The following DNAJC16 variants were observed in gnomAD, a reference collection of about 807,000 sequenced individuals.
DNAJC16 encodes the protein DnaJ heat shock protein family (Hsp40) member C16.
A neutral mutation model predicts 92.7 loss-of-function variants in DNAJC16; 76 were observed. The ratio of observed to expected loss-of-function variants is 0.82; its 90% CI spans 0.68 to 0.99. The LOEUF (loss-of-function observed/expected upper bound fraction) is 0.99. Among genes scored for constraint, DNAJC16 ranks in the 50% least tolerant of loss-of-function variants. The pLI is 0.00. For synonymous variants in DNAJC16, 328 were observed against 358.7 expected (o/e 0.91, Z 0.97); for missense variants, 869 against 942.4 (o/e 0.92, Z 1.02).
chr1:15,567,586 A>G (rs1270998947), intron 14 of DNAJC16, among the ~76,000 whole-genome samples, 192 bp from the exon 15 acceptor site: 1 of 152,136 alleles, frequency 6.6e-6, no homozygotes, highest in Non-Finnish European at 1.5e-5. Flanking sequence ...CGATGGGGGA[A>G]TGGGTGATTG....
rs368732391 is a variant in DNAJC16, at chr1:15,534,309, G to A, written c.234+6G>A. 7.4e-5 allele frequency: 120 copies of A among 1,613,600 alleles called. No individual in the cohort carries two copies. Among genetic ancestry groups the A allele is most frequent in the Non-Finnish European group, 8.6e-5 (101 of 1,179,830 alleles). Reference sequence around the variant, plus strand: ...AAATCAGTAAGGCTTACGAGGTATCGTGTCCAGCTTTGTGATGCATCCATT... The same window carrying A: ...AAATCAGTAAGGCTTACGAGGTATCATGTCCAGCTTTGTGATGCATCCATT... On this transcript the variant is annotated splice_donor_region_variant and intron_variant, in intron 3 of 14. Transcript: ENST00000375847.
chr1:15,554,342 CTT>C (rs1377789119), intron 7 of DNAJC16, among the ~76,000 whole-genome samples: 4 of 152,076 alleles, frequency 2.6e-5, no homozygotes, highest in Non-Finnish European at 4.4e-5. Flanking sequence ...TATTTGATGT[CTT>C]TTTGATGAAC....
At position 15,544,516 on chromosome 1, in the gene DNAJC16, A is replaced by G. The variant is rs368460379; in HGVS notation, c.692A>G (p.Asn231Ser). The change falls in exon 5 of 15, where the codon AAT (asparagine) becomes AGT (serine). Residue 231 changes from asparagine (N) to serine (S), a missense_variant. Asn to Ser is a conservative substitution (Grantham distance 46). Coordinates refer to ENST00000375847, the MANE Select transcript of DNAJC16 (RefSeq NM_015291.4). ...IINGKISFFH[N>S]AVVRENLRQF... ...AACGGGAAAATCTCCTTCTTCCACA[A>G]TGCAGTTGTCCGTGAAAATCTGCGA... 20 of 1,614,072 alleles carry G rather than the reference A, an allele frequency of 1.2e-5. No homozygotes were observed. The highest frequency in any genetic ancestry group is 2.2e-5 in the South Asian group (2 of 91,094).
rs1194367846 is a variant in DNAJC16, at chr1:15,529,283, C to G, written c.167+11C>G. Reference sequence around the variant, plus strand: ...GCTCGCCCGGGAATGGTAGGTGAAACAAAGAAATAGAGGTTTAACATAAGC... The same window carrying G: ...GCTCGCCCGGGAATGGTAGGTGAAAGAAAGAAATAGAGGTTTAACATAAGC... On this transcript the variant is annotated intron_variant, in intron 2 of 14. Coordinates refer to ENST00000375847, the MANE Select transcript of DNAJC16 (RefSeq NM_015291.4). 2 of 1,603,808 alleles carry G rather than the reference C, an allele frequency of 1.2e-6. No homozygotes were observed. Among genetic ancestry groups the G allele is most frequent in the South Asian group, 1.1e-5 (1 of 90,444 alleles).
At chr1:15,539,437 G>A (rs1036159202) in intron 4 of DNAJC16, among the ~76,000 whole-genome samples, 15 of 151,540 alleles carry the variant, frequency 9.9e-5, no homozygotes, top group African/African-American at 2.9e-4. Flanking sequence ...TAGTAGAGAC[G>A]GGGTTTCACC....
intron 6 of DNAJC16, 55 bp downstream of exon 6, chr1:15,546,926 T>C (rs1638323470): frequency 7.2e-7 from 1 of 1,391,258 alleles, no homozygotes; most frequent in Admixed American, 2.3e-5. Flanking sequence ...TTTTTTTTTT[T>C]TTTTTTTTAG....
intron 7 of DNAJC16, among the ~76,000 whole-genome samples, chr1:15,552,284 G>A (rs1042910613): frequency 2.6e-5 from 4 of 151,214 alleles, no homozygotes; most frequent in Non-Finnish European, 3.0e-5. Flanking sequence ...TCAGGAGTTC[G>A]AGACCAGCCT....
At chr1:15,562,643 G>A (rs1463222805) in intron 9 of DNAJC16, among the ~76,000 whole-genome samples, 8 of 151,472 alleles carry the variant, frequency 5.3e-5, no homozygotes, top group Admixed American at 3.3e-4. Context: ...ACACAACCAC[G>A]CCTGGCTAAT....
intron 9 of DNAJC16, among the ~76,000 whole-genome samples, chr1:15,562,772 G>C (rs1044468006): frequency 3.3e-5 from 5 of 151,770 alleles, no homozygotes; most frequent in South Asian, 4.2e-4. Context: ...ATGAGCCACT[G>C]CTCCTGGCCT....
intron 9 of DNAJC16, among the ~76,000 whole-genome samples, chr1:15,562,955 T>C (rs990715430): frequency 4.7e-5 from 7 of 149,744 alleles, no homozygotes; most frequent in Non-Finnish European, 8.9e-5. Flanking sequence ...TCCTAGATTT[T>C]ACAAATCCTT....
chr1:15,555,230 G>GA (rs987393558), intron 7 of DNAJC16, among the ~76,000 whole-genome samples: 29 of 143,382 alleles, frequency 2.0e-4, no homozygotes, highest in African/African-American at 4.9e-4. Flanking sequence ...CAAAAAAAAA[G>GA]AAAAAAAAAA....
intron 1 of DNAJC16, among the ~76,000 whole-genome samples, chr1:15,527,312 C>T (rs1196387276): frequency 2.6e-5 from 4 of 152,082 alleles, no homozygotes; most frequent in Non-Finnish European, 4.4e-5. Context: ...AAAGAACTTC[C>T]CAGACCACCG....
intron 7 of DNAJC16, among the ~76,000 whole-genome samples, chr1:15,551,602 T>TG (rs1638443154): frequency 4.9e-5 from 1 of 20,506 alleles, no homozygotes; most frequent in Admixed American, 3.2e-4. Flanking sequence ...AGTGATGTGG[T>TG]TTTTTTTTTT....
chr1:15,540,621 C>T (rs1710911299), intron 4 of DNAJC16, among the ~76,000 whole-genome samples: 1 of 152,034 alleles, frequency 6.6e-6, no homozygotes, highest in South Asian at 2.1e-4. Context: ...GTCTTAAACT[C>T]CAGGAGATAC....
chr1:15,546,917 T>TTTC (rs371408325), intron 6 of DNAJC16, 46 bp downstream of exon 6: 4 of 307,318 alleles, frequency 1.3e-5, no homozygotes, highest in East Asian at 2.8e-4. Flanking sequence ...TTTCTTTTCT[T>TTTC]TTTTTTTTTT....
chr1:15,554,002 G>A (rs1348894935), intron 7 of DNAJC16, among the ~76,000 whole-genome samples: 2 of 152,044 alleles, frequency 1.3e-5, no homozygotes, highest in African/African-American at 4.8e-5. Context: ...CCAGGAGGTC[G>A]AGACCAGCCT....
intron 8 of DNAJC16, chr1:15,560,135 G>A (rs1223084541): frequency 6.6e-6 from 1 of 151,758 alleles, no homozygotes; most frequent in African/African-American, 2.4e-5. Context: ...TATTAGTCCA[G>A]GGCACTTTAG....
chr1:15,555,154 T>C (rs552489044), intron 7 of DNAJC16, among the ~76,000 whole-genome samples: 4 of 151,276 alleles, frequency 2.6e-5, no homozygotes, highest in African/African-American at 7.3e-5. Context: ...GGCAGGTGGA[T>C]TGCCTGAGAC....
At chr1:15,563,885 A>C in intron 9 of DNAJC16, 44 bp from the exon 10 acceptor site, 1 of 1,537,634 alleles carries the variant, frequency 6.5e-7, no homozygotes, top group Non-Finnish European at 8.8e-7. Context: ...TAACTTAACC[A>C]TGCTTTTGAA....
Sources: allele counts gnomAD v4.1 joint callset (sites outside exome capture counted in the v4.1 genomes callset), GRCh38; gene constraint gnomAD v4.1.1; transcripts MANE v1.5; gene names NCBI Gene and HGNC (gene_info 2026-07-23, HGNC 2026-07-21).